Variants in CISD1 observed in about 807,000 individuals in gnomAD.
The protein encoded by CISD1 is CDGSH iron sulfur domain 1.
CISD1 carries 8 observed loss-of-function variants against 12.0 expected under a neutral mutation model. That is an observed-to-expected ratio of 0.67 (90% CI 0.39 to 1.20). The LOEUF (loss-of-function observed/expected upper bound fraction) is 1.20, where lower values mean the gene tolerates loss of function less well. Ranked by LOEUF, CISD1 falls within the 50% of genes most tolerant of loss-of-function variation. The probability of loss-of-function intolerance (pLI) is 0.01; values close to 1 mark genes in which losing one functional copy is unlikely to be tolerated. For synonymous variants in CISD1, 38 were observed against 42.2 expected (o/e 0.90, Z 0.39); for missense variants, 107 against 132.7 (o/e 0.81, Z 0.95).
chr10:58,270,427 G>A (rs1839232495), intron 1 of CISD1, among the ~76,000 whole-genome samples: 1 of 152,168 alleles, frequency 6.6e-6, no homozygotes, highest in Non-Finnish European at 1.5e-5. Flanking sequence ...AAAATAGGGT[G>A]TGATTTTTGT....
intron 2 of CISD1, among the ~76,000 whole-genome samples, chr10:58,286,674 T>C (rs186468996): frequency 6.6e-6 from 1 of 152,194 alleles, no homozygotes. Context: ...CAAAACACTA[T>C]GTTAGAAATT....
intron 2 of CISD1, among the ~76,000 whole-genome samples, chr10:58,280,297 C>T (rs75748600): frequency 1.4e-4 from 21 of 152,132 alleles, no homozygotes; most frequent in Non-Finnish European, 2.2e-4. Context: ...ATACTTTTAC[C>T]GGGGTGCTAG....
At chr10:58,285,652 T>A (rs962576619) in intron 2 of CISD1, among the ~76,000 whole-genome samples, 4 of 152,230 alleles carry the variant, frequency 2.6e-5, no homozygotes, top group African/African-American at 4.8e-5. Flanking sequence ...TCCTTCTAAG[T>A]GTAAAATCCT....
At chr10:58,283,155 G>A (rs898554527) in intron 2 of CISD1, 1 of 151,440 alleles carries the variant, frequency 6.6e-6, no homozygotes, top group Non-Finnish European at 1.5e-5. Flanking sequence ...TTTTTTTGGC[G>A]GGAGGGTGTT....
chr10:58,270,911 T>TG (rs1839239084), intron 1 of CISD1, among the ~76,000 whole-genome samples: 1 of 151,776 alleles, frequency 6.6e-6, no homozygotes, highest in African/African-American at 2.4e-5. Flanking sequence ...TGGCCCAAGC[T>TG]GGAGTGCAGT....
chr10:58,269,422 T>C lies in CISD1; in HGVS notation c.31+118T>C, dbSNP rs944054352. The C allele has an allele frequency of 4.4e-6, 4 of 918,286 alleles. No homozygotes were observed. In the East Asian group the frequency reaches 7.5e-5, roughly 17 times the overall value. The allele number at this position is 918,286 out of a possible 1,614,324, so 56.9% of individuals were successfully genotyped here. A position where few individuals can be genotyped will look rare whatever the true frequency, so the allele number is the denominator to read the frequency against. On this transcript the variant is annotated intron_variant, in intron 1 of 2. Coordinates refer to ENST00000333926, the MANE Select transcript of CISD1 (RefSeq NM_018464.5). ...GCCCGCCGGTCCTATAACCTTGAGA[T>C]GCAGAAGGGCAAGCGCTCGGCCCGG...
intron 2 of CISD1, among the ~76,000 whole-genome samples, chr10:58,284,489 A>AT (rs1332186259): frequency 6.6e-6 from 1 of 152,230 alleles, no homozygotes; most frequent in African/African-American, 2.4e-5. Flanking sequence ...TTGCATTATA[A>AT]AGGCATAAAA....
rs867099156 is a variant in CISD1, at chr10:58,277,405, A to C, written c.237+83A>C. On this transcript the variant is annotated intron_variant, in intron 2 of 2. Coordinates refer to ENST00000333926, the MANE Select transcript of CISD1 (RefSeq NM_018464.5). ...TTATTCTGTCAGACTTGTTCACCAG[A>C]TATTGTTATGATATCCCTTTTTTGT... The C allele has an allele frequency of 1.0e-5, 10 of 987,048 alleles. No homozygotes were observed. In the Middle Eastern group the frequency reaches 2.1e-3, roughly 210 times the overall value. The allele number at this position is 987,048 out of a possible 1,614,324, so 61.1% of individuals were successfully genotyped here. A position where few individuals can be genotyped will look rare whatever the true frequency, so the allele number is the denominator to read the frequency against.
At chr10:58,277,934 C>T (rs905205741) in intron 2 of CISD1, among the ~76,000 whole-genome samples, 1 of 152,150 alleles carries the variant, frequency 6.6e-6, no homozygotes, top group African/African-American at 2.4e-5. Flanking sequence ...TTTAAAATCA[C>T]CCGTAAAAAC....
intron 1 of CISD1, among the ~76,000 whole-genome samples, chr10:58,275,827 G>T (rs1413371661): frequency 6.6e-6 from 1 of 152,172 alleles, no homozygotes; most frequent in Non-Finnish European, 1.5e-5. Flanking sequence ...ACAAGAGACT[G>T]AGAATGATCC....
Position 58,269,193 on chromosome 10 carries a change from C to A in CISD1, c.-81C>A. The A allele has an allele frequency of 6.8e-7, 1 of 1,465,830 alleles. No individual in the cohort carries two copies. Among genetic ancestry groups the A allele is most frequent in the Non-Finnish European group, 9.4e-7 (1 of 1,058,838 alleles). 90.8% of individuals were successfully genotyped at this position (1,465,830 alleles called of 1,614,324 possible). ...GCGGAGTCGGTGCTTTAGTACGCCGCTGGCACCTTTACTCTCGCCGGCCGC... is the reference window on the plus strand; with the variant it reads ...GCGGAGTCGGTGCTTTAGTACGCCGATGGCACCTTTACTCTCGCCGGCCGC... On this transcript the variant is annotated 5_prime_UTR_variant, in exon 1 of 3. It adds an upstream start codon to the 5' untranslated region. Coordinates refer to ENST00000333926, the MANE Select transcript of CISD1 (RefSeq NM_018464.5).
chr10:58,278,171 A>T (rs1306428989), intron 2 of CISD1, among the ~76,000 whole-genome samples: 1 of 152,228 alleles, frequency 6.6e-6, no homozygotes, highest in South Asian at 2.1e-4. Flanking sequence ...TGTACACCGA[A>T]TGACTTCAGG....
intron 2 of CISD1, among the ~76,000 whole-genome samples, chr10:58,281,521 T>A (rs187421482): frequency 7.1e-4 from 108 of 152,346 alleles, no homozygotes; most frequent in African/African-American, 2.6e-3. Flanking sequence ...ACAAATGTTG[T>A]TATTCTTCAG....
At chr10:58,283,579 A>G (rs1057471690) in intron 2 of CISD1, among the ~76,000 whole-genome samples, 1 of 152,224 alleles carries the variant, frequency 6.6e-6, no homozygotes, top group African/African-American at 2.4e-5. Flanking sequence ...AAATTGTTTC[A>G]GGTGGAAGAG....
In CISD1 at chr10:58,269,397, G is replaced by A. The variant is rs1463153709; in HGVS notation, c.31+93G>A. On this transcript the variant is annotated intron_variant, in intron 1 of 2. Transcript: ENST00000333926. Reference sequence around the variant, plus strand: ...GGGTTGTTTTACCACTGCCCTACGCGCCCGCCGGTCCTATAACCTTGAGAT... The same window carrying A: ...GGGTTGTTTTACCACTGCCCTACGCACCCGCCGGTCCTATAACCTTGAGAT... The A allele has an allele frequency of 6.0e-6, 7 of 1,174,034 alleles. No homozygotes were observed. In the African/African-American group the frequency reaches 9.1e-5, roughly 15 times the overall value. The allele number at this position is 1,174,034 out of a possible 1,614,324, so 72.7% of individuals were successfully genotyped here.
In CISD1 at chr10:58,269,316, C is replaced by T; in HGVS notation, c.31+12C>T. The T allele has an allele frequency of 6.2e-7, 1 of 1,606,816 alleles. No homozygotes were observed. Among genetic ancestry groups the T allele is most frequent in the Non-Finnish European group, 8.5e-7 (1 of 1,179,024 alleles). On this transcript the variant is annotated intron_variant, in intron 1 of 2. Coordinates refer to ENST00000333926, the MANE Select transcript of CISD1 (RefSeq NM_018464.5). Reference sequence around the variant, plus strand: ...TTCCAGCGTACGAGGTGAAGTGGGGCCTGGGAGCGGGTGAGGCTGGTGAGG... The same window carrying T: ...TTCCAGCGTACGAGGTGAAGTGGGGTCTGGGAGCGGGTGAGGCTGGTGAGG...
chr10:58,276,224 G>A (rs973184862), intron 1 of CISD1: 2 of 152,124 alleles, frequency 1.3e-5, no homozygotes, highest in East Asian at 1.9e-4. Context: ...TAGTTGTTAA[G>A]TCCTTGGGTT....
At chr10:58,275,002 C>A (rs377716701) in intron 1 of CISD1, among the ~76,000 whole-genome samples, 20 of 152,236 alleles carry the variant, frequency 1.3e-4, no homozygotes, top group African/African-American at 4.6e-4. Context: ...AATTGTAGTT[C>A]TTTGGATCTC....
rs1478162887 is a variant in CISD1 at position 58,286,183 on chromosome 10, C to T, written c.238-1378C>T. 2.8e-5 allele frequency among the ~76,000 whole-genome samples: 4 copies of T among 143,760 alleles called. 1 individual carries two copies. The South Asian group carries it at 6.5e-4, about 23-fold the overall frequency. 94.3% of individuals were successfully genotyped at this position (143,760 alleles called of 152,430 possible). A position where few individuals can be genotyped will look rare whatever the true frequency, so the allele number is the denominator to read the frequency against. On this transcript the variant is annotated intron_variant, in intron 2 of 2. Coordinates refer to ENST00000333926, the MANE Select transcript of CISD1 (RefSeq NM_018464.5). ...TCGCGCCACTGCATTCCAGCCTGGG[C>T]GACAGAGCAAGACTCCGTTTCAAAA...
Sources: allele counts gnomAD v4.1 joint callset (sites outside exome capture counted in the v4.1 genomes callset), GRCh38; gene constraint gnomAD v4.1.1; transcripts MANE v1.5; gene names NCBI Gene and HGNC (gene_info 2026-07-23, HGNC 2026-07-21).